ATL2: variants seen among roughly 807,000 people sequenced by gnomAD.
ATL2 encodes atlastin-2.
Under a neutral mutation model 73.9 loss-of-function variants are expected in ATL2, and 31 were observed. That is an observed-to-expected ratio of 0.42 (90% CI 0.32 to 0.57). ATL2 has a LOEUF of 0.57. Among genes scored for constraint, ATL2 ranks in the 20% least tolerant of loss-of-function variants. The pLI, the probability that ATL2 is intolerant of heterozygous loss-of-function variation, is 0.14. For missense variants in ATL2, 738 were observed against 702.6 expected (o/e 1.05, Z -0.57); for synonymous variants, 291 against 237.5 (o/e 1.23, Z -2.07).
chr2:38,325,699 T>TACAC (rs1221635411), intron 2 of ATL2, among the ~76,000 whole-genome samples: 257 of 11,166 alleles, frequency 0.023, 34 homozygotes, highest in Non-Finnish European at 0.031. Flanking sequence ...CACACACCAG[T>TACAC]ACACACACAC....
chr2:38,329,608 A>G (rs1459845706), intron 2 of ATL2, among the ~76,000 whole-genome samples: 3 of 152,046 alleles, frequency 2.0e-5, no homozygotes, highest in African/African-American at 7.2e-5. Flanking sequence ...TCAAAGTATT[A>G]CCCTAATACC....
intron 1 of ATL2, among the ~76,000 whole-genome samples, chr2:38,366,995 T>A (rs965685680): frequency 6.6e-6 from 1 of 152,066 alleles, no homozygotes; most frequent in African/African-American, 2.4e-5. Context: ...TAAGACATTA[T>A]CTTTATTACT....
At chr2:38,364,922 T>C (rs1440828098) in intron 1 of ATL2, among the ~76,000 whole-genome samples, 1 of 152,040 alleles carries the variant, frequency 6.6e-6, no homozygotes, top group African/African-American at 2.4e-5. Flanking sequence ...CACACGCCTG[T>C]AGTCCCAGCT....
upstream of ATL2, among the ~76,000 whole-genome samples, chr2:38,377,735 G>A (rs1421521759): frequency 6.8e-6 from 1 of 146,614 alleles, no homozygotes; most frequent in Admixed American, 6.9e-5. Context: ...CCTTTTCATC[G>A]CCCCCTCCTC....
chr2:38,377,367 CG>C (rs1672052923), upstream of ATL2: 5 of 851,024 alleles, frequency 5.9e-6, no homozygotes, highest in Non-Finnish European at 6.9e-6. Context: ...CGCCGCTCTC[CG>C]CCTGTATCTC....
chr2:38,356,416 T>C (rs369183879), intron 1 of ATL2, among the ~76,000 whole-genome samples: 2 of 151,616 alleles, frequency 1.3e-5, no homozygotes, highest in African/African-American at 4.8e-5. Flanking sequence ...CTCGAACTCC[T>C]GGGCTCAAGT....
At chr2:38,308,772 A>G (rs936568101) in intron 9 of ATL2, among the ~76,000 whole-genome samples, 4 of 152,126 alleles carry the variant, frequency 2.6e-5, no homozygotes, top group African/African-American at 9.7e-5. Flanking sequence ...GTAAAAATAA[A>G]TTTTAAAAAA....
At chr2:38,329,156 G>T (rs1200600714) in intron 2 of ATL2, among the ~76,000 whole-genome samples, 1 of 148,772 alleles carries the variant, frequency 6.7e-6, no homozygotes, top group Non-Finnish European at 1.5e-5. Flanking sequence ...GCCAGGCGTG[G>T]TAGCTCATGC....
chr2:38,318,093 T>A (rs1185183876), intron 4 of ATL2, among the ~76,000 whole-genome samples: 3 of 151,888 alleles, frequency 2.0e-5, no homozygotes. Flanking sequence ...AAAGCTAGAG[T>A]GTGCATGATC....
chr2:38,323,959 A>T (rs981315803), intron 2 of ATL2, among the ~76,000 whole-genome samples: 2 of 152,220 alleles, frequency 1.3e-5, no homozygotes, highest in African/African-American at 4.8e-5. Context: ...AACTGGGAGT[A>T]AAAGGAATAA....
chr2:38,326,762 TG>T (rs959414896), intron 2 of ATL2, among the ~76,000 whole-genome samples: 4 of 151,736 alleles, frequency 2.6e-5, no homozygotes. Context: ...CCGAGGCAGG[TG>T]GATCACTTGA....
intron 1 of ATL2, among the ~76,000 whole-genome samples, chr2:38,365,049 A>C (rs1671233112): frequency 6.6e-6 from 1 of 151,956 alleles, no homozygotes; most frequent in African/African-American, 2.4e-5. Context: ...GTCTCAAAAA[A>C]AAAAAAAAAT....
chr2:38,310,878 C>T (rs1031970999), intron 7 of ATL2, among the ~76,000 whole-genome samples: 4 of 152,018 alleles, frequency 2.6e-5, no homozygotes, highest in East Asian at 1.9e-4. Flanking sequence ...CCACCCGCCT[C>T]GGCCTCCCAA....
intron 10 of ATL2, among the ~76,000 whole-genome samples, chr2:38,299,627 G>C (rs968173511): frequency 6.6e-6 from 1 of 152,102 alleles, no homozygotes; most frequent in Non-Finnish European, 1.5e-5. Context: ...AAAATATGTG[G>C]ATCTCCAGGT....
Position 38,343,149 on chromosome 2 carries a change from T to TA in ATL2, c.363+118dup, listed in dbSNP as rs59215933. ...GGTAACAGAGTGAGACCACTTAAATTAAAAAAAAAAAAAAAAAAAAAAAAA... is the reference window on the plus strand; with the variant it reads ...GGTAACAGAGTGAGACCACTTAAATTAAAAAAAAAAAAAAAAAAAAAAAAAA... On this transcript the variant is annotated intron_variant, in intron 2 of 12. Transcript: ENST00000378954. 4.6e-3 allele frequency: 1,659 copies of TA among 364,128 alleles called. 16 individuals are homozygous for TA. The highest frequency in any genetic ancestry group is 0.012 in the African/African-American group (275 of 23,500). The allele number at this position is 364,128 out of a possible 1,614,324, so 22.6% of individuals were successfully genotyped here. A position where few individuals can be genotyped will look rare whatever the true frequency, so the allele number is the denominator to read the frequency against.
intron 2 of ATL2, among the ~76,000 whole-genome samples, chr2:38,331,190 T>C (rs918529893): frequency 6.6e-6 from 1 of 151,804 alleles, no homozygotes; most frequent in Non-Finnish European, 1.5e-5. Context: ...ATCCCATCAC[T>C]TTGGGAGGCC....
chr2:38,324,292 C>T (rs1668482927), intron 2 of ATL2, among the ~76,000 whole-genome samples: 1 of 152,056 alleles, frequency 6.6e-6, no homozygotes, highest in African/African-American at 2.4e-5. Context: ...AAAAACAATC[C>T]AAGTAGTGCT....
chr2:38,364,742 G>A (rs534416003), intron 1 of ATL2, among the ~76,000 whole-genome samples: 3 of 152,246 alleles, frequency 2.0e-5, no homozygotes, highest in East Asian at 1.9e-4. Flanking sequence ...TTCTCTTTTA[G>A]GCTCAAAAAA....
chr2:38,303,796 C>G (rs910089535), intron 9 of ATL2, among the ~76,000 whole-genome samples: 3 of 152,094 alleles, frequency 2.0e-5, no homozygotes, highest in Non-Finnish European at 2.9e-5. Context: ...ATAAGACTAC[C>G]TCAAGACATG....
Sources: allele counts gnomAD v4.1 joint callset (sites outside exome capture counted in the v4.1 genomes callset), GRCh38; gene constraint gnomAD v4.1.1; transcripts MANE v1.5; gene names NCBI Gene and HGNC (gene_info 2026-07-23, HGNC 2026-07-21).